The following PSCA variants were observed in gnomAD, a reference collection of about 807,000 sequenced individuals.
PSCA encodes prostate stem cell antigen.
PSCA carries 7 observed loss-of-function variants against 7.9 expected under a neutral mutation model. The ratio of observed to expected loss-of-function variants is 0.89; its 90% CI spans 0.51 to 1.67. The LOEUF (loss-of-function observed/expected upper bound fraction) is 1.67. PSCA is among the 40% of genes most tolerant of loss of function. The probability of loss-of-function intolerance (pLI) is 0.00; values close to 1 mark genes in which losing one functional copy is unlikely to be tolerated. For missense variants in PSCA, 151 were observed against 147.9 expected (o/e 1.02, Z -0.11); for synonymous variants, 61 against 68.3 (o/e 0.89, Z 0.53).
chr8:142,678,730 T>A (rs1432144584), upstream of PSCA, among the ~76,000 whole-genome samples: 1 of 62,862 alleles, frequency 1.6e-5, no homozygotes, highest in Non-Finnish European at 4.4e-5. Flanking sequence ...CAGCAGAGCT[T>A]GGGCCTGCTC....
intron 1 of PSCA, 88 bp from the exon 2 acceptor site, chr8:142,681,239 C>T (rs954097185): frequency 7.0e-6 from 7 of 1,001,348 alleles, no homozygotes; most frequent in African/African-American, 3.2e-5. Flanking sequence ...CTCAGGCCAC[C>T]GCCATGGAGG....
At chr8:142,680,373 G>A, upstream of PSCA, 2 of 710,198 alleles carry the variant, frequency 2.8e-6, no homozygotes, top group Admixed American at 4.7e-5. Context: ...TCAGGGAGGA[G>A]ACTCGGACCT....
chr8:142,675,665 T>A (rs1164838771), upstream of PSCA, among the ~76,000 whole-genome samples: 4 of 152,186 alleles, frequency 2.6e-5, no homozygotes, highest in East Asian at 5.8e-4. Context: ...TCTCTCACAC[T>A]CTCACACACA....
chr8:142,675,217 G>T (rs940203679), intron 1 of PSCA, among the ~76,000 whole-genome samples: 2 of 152,220 alleles, frequency 1.3e-5, no homozygotes, highest in Non-Finnish European at 2.9e-5. Flanking sequence ...AGGGGGAGTG[G>T]CAGGAGCAGA....
At chr8:142,676,567 A>G (rs1409559483), upstream of PSCA, 1 of 152,234 alleles carries the variant, frequency 6.6e-6, no homozygotes, top group Non-Finnish European at 1.5e-5. Flanking sequence ...CCCAAGATGC[A>G]TGGGGCTCCC....
upstream of PSCA, among the ~76,000 whole-genome samples, chr8:142,679,104 G>C (rs1467331274): frequency 6.6e-6 from 1 of 152,238 alleles, no homozygotes; most frequent in Non-Finnish European, 1.5e-5. Context: ...GCCTGAACTT[G>C]CCTCTTCCAC....
At chr8:142,671,441 G>A (rs1847324937) in intron 1 of PSCA, among the ~76,000 whole-genome samples, 1 of 152,214 alleles carries the variant, frequency 6.6e-6, no homozygotes, top group Non-Finnish European at 1.5e-5. Context: ...TGTGCCATTA[G>A]ACTTCTGAAC....
rs1186571244 is a variant in PSCA at position 142,682,015 on chromosome 8, G to A, written c.228G>A (p.Thr76=). The A allele has an allele frequency of 5.6e-6, 9 of 1,613,146 alleles. No homozygotes were observed. The highest frequency in any genetic ancestry group is 4.4e-5 in the South Asian group (4 of 90,958). ...ACTACGTGGGCAAGAAGAACATCAC[G>A]TGCTGTGACACCGACTTGTGCAACG... ...QDYYVGKKNI[T]CCDTDLCNAS... is the part of the protein sequence containing the mutation. Residue 76 remains threonine, a synonymous_variant, in exon 3 of 3, where the codon ACG becomes ACA. Transcript: ENST00000301258.
intron 1 of PSCA, among the ~76,000 whole-genome samples, chr8:142,674,761 C>T (rs996987645): frequency 1.1e-4 from 16 of 152,190 alleles, no homozygotes; most frequent in African/African-American, 1.4e-4. Context: ...CCCTACTGAG[C>T]GGAGCCTCCA....
At position 142,673,814 on chromosome 8, in the gene PSCA, T is replaced by C. The variant is rs1847363786; in HGVS notation, n.261+3246T>C. Among the ~76,000 whole-genome samples, 1 of 152,204 alleles carries C rather than the reference T, an allele frequency of 6.6e-6. No individual in the cohort carries two copies. Among genetic ancestry groups the C allele is most frequent in the Non-Finnish European group, 1.5e-5 (1 of 68,046 alleles). ...ACGTGCAAAAACCTGAAACGACATC[T>C]CACAAGGCCAATCTTAGGATCACAA... On this transcript the variant is annotated intron_variant and non_coding_transcript_variant, in intron 1 of 1. Coordinates refer to the PSCA transcript ENST00000505305. The surrounding 1 kb of genome is among the most constrained non-coding windows in gnomAD (Gnocchi z 4.6).
chr8:142,671,831 C>A (rs1339734862), intron 1 of PSCA, among the ~76,000 whole-genome samples: 4 of 152,200 alleles, frequency 2.6e-5, no homozygotes, highest in Non-Finnish European at 4.4e-5. Flanking sequence ...TGTGCCAGCT[C>A]ACTCATCCTT....
Position 142,681,330 on chromosome 8 carries a change from C to G in PSCA, c.29C>G (p.Thr10Ser). The G allele has an allele frequency of 1.3e-6, 2 of 1,558,434 alleles. No homozygotes were observed. Among genetic ancestry groups the G allele is most frequent in the Non-Finnish European group, 8.7e-7 (1 of 1,151,074 alleles). ...CCCCTCCCACTCCACCCCACAGGCA[C>G]TGCCCTGCTGTGCTACTCCTGCAAA... MAGLALQPG[T>S]ALLCYSCKAQ... is the part of the protein sequence containing the mutation. Residue 10 changes from threonine (T) to serine (S), a missense_variant, in exon 2 of 3, where the codon ACT becomes AGT. By Grantham distance (58) the Thr-to-Ser change is moderately conservative (BLOSUM62 1). Transcript: ENST00000301258.
At position 142,682,108 on chromosome 8, in the gene PSCA, G is replaced by T; in HGVS notation, c.321G>T (p.Leu107=). 1 of 1,602,752 alleles carries T rather than the reference G, an allele frequency of 6.2e-7. No homozygotes were observed. Among genetic ancestry groups the T allele is most frequent in the Non-Finnish European group, 8.5e-7 (1 of 1,179,132 alleles). Residue 107 remains leucine (L), a synonymous_variant, in exon 3 of 3, where the codon CTG becomes CTT. Transcript: ENST00000301258. ...CGCTGCTCCCTGCACTCGGCCTGCT[G>T]CTCTGGGGACCCGGCCAGCTCTAGG... ...ILALLPALGL[L]LWGPGQL
chr8:142,678,715 A>C (rs62511290), upstream of PSCA, among the ~76,000 whole-genome samples: 1 of 61,552 alleles, frequency 1.6e-5, no homozygotes, highest in Admixed American at 2.4e-4. Flanking sequence ...CCACCCAGCC[A>C]CTGGCAGCAG....
At chr8:142,675,289 G>A (rs1014507769) in intron 1 of PSCA, among the ~76,000 whole-genome samples, 1 of 152,222 alleles carries the variant, frequency 6.6e-6, no homozygotes, top group Non-Finnish European at 1.5e-5. Context: ...TGGCTGGTGG[G>A]GCAGGGGCTG....
intron 1 of PSCA, 53 bp downstream of exon 1, chr8:142,680,616 G>A: frequency 6.5e-7 from 1 of 1,547,888 alleles, no homozygotes; most frequent in South Asian, 1.2e-5. Context: ...GAGCCGGGGA[G>A]GCCAGAGGGA....
upstream of PSCA, chr8:142,680,129 A>G (rs2129870305): frequency 4.7e-6 from 1 of 214,104 alleles, no homozygotes; most frequent in Non-Finnish European, 9.5e-6. Flanking sequence ...ATAGGAGCAC[A>G]GGGCCCAGGG....
At position 142,671,127 on chromosome 8, in the gene PSCA, G is replaced by A. The variant is rs142382287; in HGVS notation, n.261+559G>A. Among the ~76,000 whole-genome samples, 126 of 152,266 alleles carry A rather than the reference G, an allele frequency of 8.3e-4. 1 individual carries two copies. The highest frequency in any genetic ancestry group is 2.3e-3 in the Admixed American group (35 of 15,296). On this transcript the variant is annotated intron_variant and non_coding_transcript_variant, in intron 1 of 1. Transcript: ENST00000505305. ...TTTTTTCCGAATTGTTTGTATCCTC[G>A]GTTGGTTCCATCTGGATGCAGAGCC...
rs1279366075 is a variant in PSCA, at chr8:142,673,729, G to A, written n.261+3161G>A. 1.3e-5 allele frequency among the ~76,000 whole-genome samples: 2 copies of A among 152,204 alleles called. No homozygotes were observed. The highest frequency in any genetic ancestry group is 2.9e-5 in the Non-Finnish European group (2 of 68,038). ...TGTGCACTGAGTTTGCGTCCAGGTG[G>A]GGCCACAGGACCGGCTGCGGGGTTG... On this transcript the variant is annotated intron_variant and non_coding_transcript_variant, in intron 1 of 1. Coordinates refer to the PSCA transcript ENST00000505305. This position sits in a 1 kb window ranked among gnomAD's most constrained non-coding sequence, Gnocchi z 4.6.
Sources: allele counts gnomAD v4.1 joint callset (sites outside exome capture counted in the v4.1 genomes callset), GRCh38; gene constraint gnomAD v4.1.1; non-coding constraint Gnocchi (gnomAD v3.1); transcripts MANE v1.5; gene names NCBI Gene and HGNC (gene_info 2026-07-23, HGNC 2026-07-21).